The following KCNJ3 variants were observed in gnomAD, a reference collection of about 807,000 sequenced individuals.
KCNJ3 encodes the protein potassium inwardly rectifying channel subfamily J member 3.
In KCNJ3, 4 loss-of-function variants were observed where a neutral mutation model predicts 39.2. That is an observed-to-expected ratio of 0.10 (90% confidence interval 0.05 to 0.23). The LOEUF (loss-of-function observed/expected upper bound fraction) is 0.23, where lower values mean the gene tolerates loss of function less well. Among genes scored for constraint, KCNJ3 ranks in the 10% least tolerant of loss-of-function variants. The probability of loss-of-function intolerance (pLI) is 1.00; values close to 1 mark genes in which losing one functional copy is unlikely to be tolerated. For missense variants in KCNJ3, 276 were observed against 634.9 expected, an observed-to-expected ratio of 0.43 and a Z score of 6.08; for synonymous variants, 230 against 237.4, an observed-to-expected ratio of 0.97 and a Z score of 0.29.
At chr2:154,733,732 C>A (rs1453265684) in intron 2 of KCNJ3, among the ~76,000 whole-genome samples, 1 of 152,096 alleles carries the variant, frequency 6.6e-6, no homozygotes, top group African/African-American at 2.4e-5. Flanking sequence ...TGACTATTCA[C>A]CCCCATTGCT....
intron 1 of KCNJ3, among the ~76,000 whole-genome samples, chr2:154,704,817 C>A (rs993119887): frequency 1.3e-5 from 2 of 151,288 alleles, no homozygotes; most frequent in African/African-American, 4.9e-5. Context: ...CAGATATTAC[C>A]CTGACCTCAT....
In KCNJ3 at chr2:154,789,245, T is replaced by C. The variant is rs181594837; in HGVS notation, c.920-65482T>C. Among the ~76,000 whole-genome samples the C allele has an allele frequency of 2.1e-3, 313 of 151,274 alleles. 1 individual carries two copies. Among genetic ancestry groups the C allele is most frequent in the Non-Finnish European group, 3.7e-3 (253 of 67,710 alleles). ...ACCATGTACCTAGGCCTAATAGTAA[T>C]CAGTAAAGTAAAGAAGACAGTGGTC... On this transcript the variant is annotated intron_variant, in intron 2 of 2. Coordinates refer to ENST00000295101, the MANE Select transcript of KCNJ3 (RefSeq NM_002239.4).
chr2:154,841,280 G>GCTGA (rs1687571138), intron 2 of KCNJ3, among the ~76,000 whole-genome samples: 1 of 152,248 alleles, frequency 6.6e-6, no homozygotes. Context: ...CCCAGATGAA[G>GCTGA]CTGACTTGAT....
At chr2:154,730,587 G>A (rs1228201853) in intron 2 of KCNJ3, among the ~76,000 whole-genome samples, 4 of 151,976 alleles carry the variant, frequency 2.6e-5, no homozygotes, top group Non-Finnish European at 5.9e-5. Context: ...AACCCATATT[G>A]CTTTTTTAAT....
At chr2:154,785,039 A>G (rs1349478844) in intron 2 of KCNJ3, among the ~76,000 whole-genome samples, 1 of 152,222 alleles carries the variant, frequency 6.6e-6, no homozygotes, top group Non-Finnish European at 1.5e-5. Context: ...ATTATGGTCT[A>G]AATGTGCCAA....
chr2:154,720,061 G>GA (rs1685244095), intron 2 of KCNJ3, among the ~76,000 whole-genome samples: 3 of 151,966 alleles, frequency 2.0e-5, no homozygotes, highest in Non-Finnish European at 4.4e-5. Context: ...TTGCAGTATT[G>GA]AAAATACATG....
rs1316757643 is a variant in KCNJ3, at chr2:154,858,050, G to T, written c.*2737G>T. ...ACAGAAATCTATCTCATGAGAAAGT[G>T]CTACTGTTGTCAAAATTACCTTATC... On this transcript the variant is annotated 3_prime_UTR_variant, in exon 3 of 3. Transcript: ENST00000295101. 5 of 151,994 alleles carry T rather than the reference G, an allele frequency of 3.3e-5. No individual in the cohort carries two copies. The highest frequency in any genetic ancestry group is 5.9e-5 in the Non-Finnish European group (4 of 67,986). 9.4% of individuals were successfully genotyped at this position (151,994 alleles called of 1,614,324 possible). A position where few individuals can be genotyped will look rare whatever the true frequency, so the allele number is the denominator to read the frequency against.
intron 2 of KCNJ3, among the ~76,000 whole-genome samples, chr2:154,796,059 A>G (rs895011189): frequency 6.6e-6 from 1 of 152,062 alleles, no homozygotes; most frequent in Non-Finnish European, 1.5e-5. Context: ...TTCTTTAACT[A>G]TCATGTATAT....
chr2:154,810,472 T>A (rs1558880011), intron 2 of KCNJ3, among the ~76,000 whole-genome samples: 1 of 151,984 alleles, frequency 6.6e-6, no homozygotes, highest in Non-Finnish European at 1.5e-5. Context: ...AGATAAGATA[T>A]CATAAGGGCC....
chr2:154,829,370 A>T (rs1041675666), intron 2 of KCNJ3, among the ~76,000 whole-genome samples: 29 of 152,264 alleles, frequency 1.9e-4, no homozygotes, highest in Non-Finnish European at 3.7e-4. Flanking sequence ...TATAAGTGAG[A>T]ACATGTAATA....
At chr2:154,789,274 G>C (rs988525093) in intron 2 of KCNJ3, among the ~76,000 whole-genome samples, 9 of 151,984 alleles carry the variant, frequency 5.9e-5, no homozygotes, top group African/African-American at 2.2e-4. Context: ...AGTGGTCATG[G>C]GGGAAATTAA....
intron 2 of KCNJ3, among the ~76,000 whole-genome samples, chr2:154,772,626 T>TA (rs1686261856): frequency 6.6e-6 from 1 of 152,140 alleles, no homozygotes; most frequent in Non-Finnish European, 1.5e-5. Context: ...CTCAAATTGT[T>TA]AAAAAAGAAT....
chr2:154,813,993 G>A lies in KCNJ3; in HGVS notation c.920-40734G>A, dbSNP rs115219908. Among the ~76,000 whole-genome samples, 311 of 152,260 alleles carry A rather than the reference G, an allele frequency of 2.0e-3. 2 individuals are homozygous for A. The highest frequency in any genetic ancestry group is 7.2e-3 in the African/African-American group (301 of 41,546). On this transcript the variant is annotated intron_variant, in intron 2 of 2. Coordinates refer to ENST00000295101, the MANE Select transcript of KCNJ3 (RefSeq NM_002239.4). ...AAATGTGTATATTCATCAACCAGTT[G>A]TGTGGTCCACATATTTGCCACTGAC...
At chr2:154,801,755 T>A (rs1029500822) in intron 2 of KCNJ3, among the ~76,000 whole-genome samples, 1 of 152,028 alleles carries the variant, frequency 6.6e-6, no homozygotes, top group African/African-American at 2.4e-5. Flanking sequence ...GTCTCCCAAG[T>A]AGCTGACACT....
At chr2:154,811,201 C>T (rs575974719) in intron 2 of KCNJ3, among the ~76,000 whole-genome samples, 1 of 152,252 alleles carries the variant, frequency 6.6e-6, no homozygotes, top group African/African-American at 2.4e-5. Flanking sequence ...TCTCCTCCCC[C>T]ATACCTTCTA....
At chr2:154,836,720 G>T (rs1687471658) in intron 2 of KCNJ3, among the ~76,000 whole-genome samples, 1 of 151,926 alleles carries the variant, frequency 6.6e-6, no homozygotes, top group Non-Finnish European at 1.5e-5. Flanking sequence ...TTTCACTTAG[G>T]TTCTATAAAT....
At chr2:154,743,349 T>C (rs1457338669) in intron 2 of KCNJ3, among the ~76,000 whole-genome samples, 2 of 151,762 alleles carry the variant, frequency 1.3e-5, no homozygotes, top group Non-Finnish European at 3.0e-5. Flanking sequence ...AAATTCCAAA[T>C]GAATTTTAAG....
chr2:154,816,802 C>T (rs1283356436), intron 2 of KCNJ3, among the ~76,000 whole-genome samples: 1 of 152,088 alleles, frequency 6.6e-6, no homozygotes, highest in Non-Finnish European at 1.5e-5. Context: ...AATAATTATT[C>T]TGTACACACA....
chr2:154,708,948 A>G (rs1685058335), intron 1 of KCNJ3, among the ~76,000 whole-genome samples: 1 of 152,206 alleles, frequency 6.6e-6, no homozygotes, highest in Non-Finnish European at 1.5e-5. Context: ...AGAGAAGCAA[A>G]TATTTATAAT....
Sources: gnomAD v4.1 joint callset for allele counts (sites outside exome capture counted in the v4.1 genomes callset) on GRCh38, gnomAD v4.1.1 for gene constraint, MANE v1.5 for transcripts, NCBI Gene and HGNC (gene_info 2026-07-23, HGNC 2026-07-21) for gene names.